Variants in MCC observed in about 807,000 individuals in gnomAD.
MCC encodes the protein colorectal mutant cancer protein.
In MCC, 90 loss-of-function variants were observed where a neutral mutation model predicts 116.2. The ratio of observed to expected loss-of-function variants is 0.77; its 90% CI spans 0.65 to 0.92. The LOEUF (loss-of-function observed/expected upper bound fraction) is 0.92. Ranked by LOEUF, MCC falls within the 40% of genes least tolerant of loss-of-function variation. The probability of loss-of-function intolerance (pLI) is 0.00; values close to 1 mark genes in which losing one functional copy is unlikely to be tolerated. For missense variants in MCC, 1,516 were observed against 1,312.2 expected (o/e 1.16, Z -2.40); for synonymous variants, 578 against 510.5 (o/e 1.13, Z -1.78).
At chr5:113,248,824 T>A (rs574775469) in intron 3 of MCC, among the ~76,000 whole-genome samples, 2 of 147,986 alleles carry the variant, frequency 1.4e-5, no homozygotes, top group Admixed American at 1.4e-4. Context: ...TCTCATTCTC[T>A]CTCTCTTCTT....
At chr5:113,312,092 C>T (rs946107692) in intron 3 of MCC, among the ~76,000 whole-genome samples, 11 of 151,698 alleles carry the variant, frequency 7.3e-5, no homozygotes, top group Admixed American at 6.6e-5. Flanking sequence ...GCTGACAGAG[C>T]GAGACTCCAT....
At chr5:113,403,562 GCTT>G (rs1251107961) in intron 1 of MCC, among the ~76,000 whole-genome samples, 1 of 152,210 alleles carries the variant, frequency 6.6e-6, no homozygotes. Context: ...CAAGGAAGGA[GCTT>G]CTTCTGGTTT....
intron 1 of MCC, among the ~76,000 whole-genome samples, chr5:113,438,525 A>G (rs1458997326): frequency 6.6e-6 from 1 of 152,194 alleles, no homozygotes; most frequent in African/African-American, 2.4e-5. Context: ...TGCACTTTAA[A>G]GTGATTGTGA....
intron 1 of MCC, among the ~76,000 whole-genome samples, chr5:113,429,368 C>T (rs1770566381): frequency 6.6e-6 from 1 of 152,046 alleles, no homozygotes; most frequent in African/African-American, 2.4e-5. Context: ...GCACATTAGC[C>T]AGCATCAACT....
intron 3 of MCC, among the ~76,000 whole-genome samples, chr5:113,212,086 T>TTAC (rs1408484720): frequency 6.6e-6 from 1 of 152,212 alleles, no homozygotes; most frequent in African/African-American, 2.4e-5. Context: ...CAAGGGCATT[T>TTAC]TACTAAGGTC....
Position 113,434,116 on chromosome 5 carries a change from T to C in MCC, c.171-48904A>G, listed in dbSNP as rs760645008. 16 of 1,614,068 alleles carry C rather than the reference T, an allele frequency of 9.9e-6. No individual in the cohort carries two copies. In the Admixed American group the frequency reaches 1.3e-4, roughly 13 times the overall value. On this transcript the variant is annotated intron_variant, in intron 1 of 18. Coordinates refer to ENST00000408903, the MANE Select transcript of MCC (RefSeq NM_001085377.2). This position sits in a 1 kb window ranked among gnomAD's most constrained non-coding sequence, Gnocchi z 4.2. ...TAGATGAGGTCCTTGCACTCGCCTG[T>C]CAGGTGCTTGGAGCGTGGGAAGTTG... is the stretch of plus-strand genomic sequence containing the variant.
At chr5:113,167,691 C>T (rs894007953) in intron 3 of MCC, among the ~76,000 whole-genome samples, 1 of 152,078 alleles carries the variant, frequency 6.6e-6, no homozygotes, top group African/African-American at 2.4e-5. Flanking sequence ...AGTGCAGTGG[C>T]ATCATCAAGG....
At chr5:113,429,494 G>T (rs576145312) in intron 1 of MCC, among the ~76,000 whole-genome samples, 1 of 152,296 alleles carries the variant, frequency 6.6e-6, no homozygotes. Context: ...CTAAGATAGG[G>T]GGTGAAGGGA....
At chr5:113,158,663 C>G (rs1297962898) in intron 3 of MCC, among the ~76,000 whole-genome samples, 1 of 152,190 alleles carries the variant, frequency 6.6e-6, no homozygotes, top group Non-Finnish European at 1.5e-5. Flanking sequence ...GTTATTACCT[C>G]CTTCTGGCAA....
rs908364399 is a variant in MCC, at chr5:113,313,101, C to T, written c.627+27418G>A. Among the ~76,000 whole-genome samples the T allele has an allele frequency of 2.0e-5, 3 of 152,130 alleles. No homozygotes were observed. The South Asian group carries it at 6.2e-4, about 32-fold the overall frequency. ...GTGACTCATGCCTGTAATCCCAGCA[C>T]TTTGGGAGGCCGAGGCAGGTGAATC... On this transcript the variant is annotated intron_variant, in intron 3 of 18. Transcript: ENST00000408903.
intron 17 of MCC, among the ~76,000 whole-genome samples, chr5:113,033,695 T>C (rs1236959367): frequency 6.6e-6 from 1 of 152,208 alleles, no homozygotes; most frequent in Non-Finnish European, 1.5e-5. Context: ...TCCATTCCTT[T>C]TTTATGCCCA....
At chr5:113,285,902 G>C (rs2150359005) in intron 3 of MCC, among the ~76,000 whole-genome samples, 1 of 152,280 alleles carries the variant, frequency 6.6e-6, no homozygotes, top group East Asian at 1.9e-4. Flanking sequence ...ACGGTTACAA[G>C]ATAATAAATT....
intron 1 of MCC, among the ~76,000 whole-genome samples, chr5:113,393,555 A>G (rs565420792): frequency 6.6e-6 from 1 of 152,290 alleles, no homozygotes; most frequent in East Asian, 1.9e-4. Flanking sequence ...CTCATTGTTA[A>G]AAGGTTCAAT....
chr5:113,339,438 T>TGTGTGTGTGCGCGCGC (rs145838279), intron 3 of MCC, among the ~76,000 whole-genome samples: 1 of 149,554 alleles, frequency 6.7e-6, no homozygotes, highest in African/African-American at 2.5e-5. Flanking sequence ...TGTGTGTGTG[T>TGTGTGTGTGCGCGCGC]GCGTGCATGT....
rs116724386 is a variant in MCC, at chr5:113,338,978, T to C, written c.627+1541A>G. ...TAATAAATTTTTTATTTTATAATAG[T>C]TTTAGGCTAAGGCGGGTGGATCACT... On this transcript the variant is annotated intron_variant, in intron 3 of 18. Transcript: ENST00000408903. 8.4e-3 allele frequency among the ~76,000 whole-genome samples: 1,277 copies of C among 152,166 alleles called. 21 individuals carry two copies. The highest frequency in any genetic ancestry group is 0.03 in the African/African-American group (1,225 of 41,518).
At position 113,080,792 on chromosome 5, in the gene MCC, T is replaced by TA. The variant is rs1274080284; in HGVS notation, c.1784+2067dup. Among the ~76,000 whole-genome samples the TA allele has an allele frequency of 6.1e-5, 8 of 131,348 alleles. No individual in the cohort carries two copies. The Admixed American group carries it at 6.5e-4, about 11-fold the overall frequency. The allele number at this position is 131,348 out of a possible 152,430, so 86.2% of individuals were successfully genotyped here. On this transcript the variant is annotated intron_variant, in intron 11 of 18. Coordinates refer to ENST00000408903, the MANE Select transcript of MCC (RefSeq NM_001085377.2). ...CGTTGTGCACATATACCCTAGAACT[T>TA]AAAGTATAATTAACAACAACAACAA...
At chr5:113,478,439 A>C (rs1398515061) in intron 1 of MCC, among the ~76,000 whole-genome samples, 1 of 152,218 alleles carries the variant, frequency 6.6e-6, no homozygotes, top group African/African-American at 2.4e-5. Flanking sequence ...GGTTGGATGT[A>C]GCATTTGAAA....
chr5:113,438,932 G>A (rs1770947952), intron 1 of MCC, among the ~76,000 whole-genome samples: 1 of 152,144 alleles, frequency 6.6e-6, no homozygotes, highest in Admixed American at 6.5e-5. Flanking sequence ...TCAGAGGGCT[G>A]GGGTTGCCCA....
intron 16 of MCC, chr5:113,048,735 TAA>T (rs1395068630): frequency 2.5e-6 from 1 of 404,280 alleles, no homozygotes; most frequent in East Asian, 3.9e-5. Flanking sequence ...CACCTGTGGA[TAA>T]AGGGGGCCCT....
Sources: gnomAD v4.1 joint callset for allele counts (sites outside exome capture counted in the v4.1 genomes callset) on GRCh38, gnomAD v4.1.1 for gene constraint, Gnocchi (gnomAD v3.1) non-coding constraint, MANE v1.5 for transcripts, NCBI Gene and HGNC (gene_info 2026-07-23, HGNC 2026-07-21) for gene names.